Variants in MYO5A observed in about 807,000 individuals in gnomAD.
The protein encoded by MYO5A is unconventional myosin-Va.
A neutral mutation model predicts 249.7 loss-of-function variants in MYO5A; 98 were observed. That is an observed-to-expected ratio of 0.39 (90% CI 0.33 to 0.46). The LOEUF is 0.46. Among genes scored for constraint, MYO5A ranks in the 20% least tolerant of loss-of-function variants. MYO5A has a pLI of 0.98. For missense variants in MYO5A, 1,696 were observed against 2,308.8 expected, an observed-to-expected ratio of 0.73 and a Z score of 5.44; for synonymous variants, 778 against 810.6, an observed-to-expected ratio of 0.96 and a Z score of 0.68.
intron 34 of MYO5A, among the ~76,000 whole-genome samples, chr15:52,336,203 T>C (rs1280723810): frequency 1.3e-5 from 2 of 152,222 alleles, no homozygotes; most frequent in Non-Finnish European, 2.9e-5. Flanking sequence ...GCCTAGCACA[T>C]TGTCTGGCAT....
chr15:52,346,280 C>G, intron 30 of MYO5A, 81 bp downstream of exon 30: 1 of 852,604 alleles, frequency 1.2e-6, no homozygotes. Flanking sequence ...TGTATGAACA[C>G]TTTTACTGTA....
At position 52,346,303 on chromosome 15, in the gene MYO5A, T is replaced by C. The variant is rs2039624032; in HGVS notation, c.3959+58A>G. The C allele has an allele frequency of 3.8e-6, 4 of 1,064,348 alleles. No individual in the cohort carries two copies. In the East Asian group the frequency reaches 7.3e-5, roughly 19 times the overall value. 65.9% of individuals were successfully genotyped at this position (1,064,348 alleles called of 1,614,324 possible). A position where few individuals can be genotyped will look rare whatever the true frequency, so the allele number is the denominator to read the frequency against. ...CACTTTTACTGTACAAGAGGCTGGC[T>C]TGAAGGCTAAAGATCAATATAATTA... On this transcript the variant is annotated intron_variant, in intron 30 of 41. Coordinates refer to ENST00000399233, the MANE Select transcript of MYO5A (RefSeq NM_001382347.1).
chr15:52,355,115 C>T (rs559284652), intron 25 of MYO5A, among the ~76,000 whole-genome samples: 1 of 152,270 alleles, frequency 6.6e-6, no homozygotes, highest in South Asian at 2.1e-4. Context: ...AAATTGTTTA[C>T]AATGGGCAGA....
At chr15:52,460,765 C>A (rs1440711612) in intron 1 of MYO5A, among the ~76,000 whole-genome samples, 1 of 151,752 alleles carries the variant, frequency 6.6e-6, no homozygotes, top group Admixed American at 6.6e-5. Context: ...CTCCCCCCAC[C>A]CCAAAACAAA....
At chr15:52,333,184 TTTG>T (rs144494995) in intron 34 of MYO5A, among the ~76,000 whole-genome samples, 22,765 of 152,110 alleles carry the variant, frequency 0.15, 1,771 homozygotes, top group Middle Eastern at 0.22. Flanking sequence ...TCTCAAGTAC[TTTG>T]TTATAGCAGC....
At chr15:52,478,696 C>A (rs1434986925) in intron 1 of MYO5A, among the ~76,000 whole-genome samples, 2 of 152,218 alleles carry the variant, frequency 1.3e-5, no homozygotes, top group African/African-American at 4.8e-5. Context: ...TTGCACTAAA[C>A]ACAATGAAAA....
chr15:52,357,911 T>C (rs984228924), intron 25 of MYO5A, among the ~76,000 whole-genome samples: 5 of 152,210 alleles, frequency 3.3e-5, no homozygotes, highest in Non-Finnish European at 5.9e-5. Context: ...TCAAAATAAC[T>C]GAATTTATTC....
At chr15:52,519,668 T>A (rs2141653825) in intron 1 of MYO5A, among the ~76,000 whole-genome samples, 1 of 151,070 alleles carries the variant, frequency 6.6e-6, no homozygotes, top group Middle Eastern at 3.5e-3. Context: ...AATTGAAGAC[T>A]GAATAAATTT....
rs184591070 is a variant in MYO5A at position 52,501,824 on chromosome 15, T to A, written c.27+26956A>T. Among the ~76,000 whole-genome samples the A allele has an allele frequency of 2.8e-4, 42 of 151,628 alleles. No individual in the cohort carries two copies. In the East Asian group the frequency reaches 7.2e-3, roughly 26 times the overall value. ...TTTAAGCAGTCTAAACAGTCTAGTA[T>A]AAACTTCCATAACATAGGCATACAC... On this transcript the variant is annotated intron_variant, in intron 1 of 41. Coordinates refer to ENST00000399233, the MANE Select transcript of MYO5A (RefSeq NM_001382347.1).
At chr15:52,427,848 G>C (rs116046155) in intron 3 of MYO5A, among the ~76,000 whole-genome samples, 1 of 151,940 alleles carries the variant, frequency 6.6e-6, no homozygotes, top group African/African-American at 2.4e-5. Flanking sequence ...TGGAGAAGGG[G>C]GAAAGGAACA....
At chr15:52,509,233 A>G (rs1031895329) in intron 1 of MYO5A, among the ~76,000 whole-genome samples, 10 of 152,074 alleles carry the variant, frequency 6.6e-5, no homozygotes, top group Admixed American at 1.3e-4. Context: ...CAGCCTCCCA[A>G]AGTGTTGGGA....
At chr15:52,476,314 A>G (rs2076591917) in intron 1 of MYO5A, among the ~76,000 whole-genome samples, 1 of 152,110 alleles carries the variant, frequency 6.6e-6, no homozygotes, top group African/African-American at 2.4e-5. Context: ...TCTCCTGAAT[A>G]CAGCACACTG....
chr15:52,409,736 G>A (rs575577744), intron 6 of MYO5A, among the ~76,000 whole-genome samples: 2 of 152,138 alleles, frequency 1.3e-5, no homozygotes, highest in Non-Finnish European at 2.9e-5. Flanking sequence ...ATATATAAAT[G>A]TATGCCTGCT....
chr15:52,390,718 C>A (rs754807958), intron 12 of MYO5A, among the ~76,000 whole-genome samples: 1 of 151,984 alleles, frequency 6.6e-6, no homozygotes, highest in Non-Finnish European at 1.5e-5. Flanking sequence ...CACCACCATG[C>A]CCAGCTAATT....
intron 1 of MYO5A, among the ~76,000 whole-genome samples, chr15:52,450,236 G>C (rs2141369512): frequency 6.6e-6 from 1 of 151,964 alleles, no homozygotes; most frequent in Middle Eastern, 3.4e-3. Flanking sequence ...CTACAATGAG[G>C]GTAATAATAC....
At chr15:52,493,404 T>C (rs1307423070) in intron 1 of MYO5A, among the ~76,000 whole-genome samples, 4 of 152,196 alleles carry the variant, frequency 2.6e-5, no homozygotes, top group Non-Finnish European at 5.9e-5. Context: ...GGCTCACACC[T>C]GTAATCTCAG....
At chr15:52,359,500 G>A (rs765337938) in intron 25 of MYO5A, among the ~76,000 whole-genome samples, 6 of 152,092 alleles carry the variant, frequency 3.9e-5, no homozygotes, top group Non-Finnish European at 7.4e-5. Flanking sequence ...ATAAAATAGA[G>A]GCATCAGTTT....
At chr15:52,314,774 A>G (rs1380571496) in intron 40 of MYO5A, among the ~76,000 whole-genome samples, 2 of 152,164 alleles carry the variant, frequency 1.3e-5, no homozygotes, top group Non-Finnish European at 2.9e-5. Context: ...TTTTTTAAAA[A>G]GTTCAATAAT....
rs536548637 is a variant in MYO5A, at chr15:52,421,651, C to T, written c.455+4179G>A. Among the ~76,000 whole-genome samples, 7 of 152,276 alleles carry T rather than the reference C, an allele frequency of 4.6e-5. No individual in the cohort carries two copies. The South Asian group carries it at 1.5e-3, about 32-fold the overall frequency. ...GAAAGTCTACACAATGCTTCTTCTG[C>T]TTTGTTACACAGCTCCCTACCATGG... On this transcript the variant is annotated intron_variant, in intron 4 of 41. Coordinates refer to ENST00000399233, the MANE Select transcript of MYO5A (RefSeq NM_001382347.1).
Sources: allele counts gnomAD v4.1 joint callset (sites outside exome capture counted in the v4.1 genomes callset), GRCh38; gene constraint gnomAD v4.1.1; transcripts MANE v1.5; gene names NCBI Gene and HGNC (gene_info 2026-07-23, HGNC 2026-07-21).